Variants in PDE8B observed in about 807,000 individuals in gnomAD.
The protein encoded by PDE8B is high affinity cAMP-specific and IBMX-insensitive 3',5'-cyclic phosphodiesterase 8B.
Under a neutral mutation model 101.3 loss-of-function variants are expected in PDE8B, and 26 were observed. The ratio of observed to expected loss-of-function variants is 0.26; its 90% CI spans 0.19 to 0.36. The LOEUF (loss-of-function observed/expected upper bound fraction) is 0.36. Ranked by LOEUF, PDE8B falls within the 10% of genes least tolerant of loss-of-function variation. The pLI is 1.00. For synonymous variants in PDE8B, 424 were observed against 429.3 expected (o/e 0.99, Z 0.15); for missense variants, 810 against 1,163.1 (o/e 0.70, Z 4.42).
At chr5:77,111,438 A>G in the PDE8B span, among the ~76,000 whole-genome samples, 1 of 152,178 alleles carries the variant, frequency 6.6e-6, no homozygotes, top group Non-Finnish European at 1.5e-5. Flanking sequence ...CATATTCAAA[A>G]TGGAGGTGAG....
chr5:77,376,742 GTCCCCTCGC>G, intron 10 of PDE8B, among the ~76,000 whole-genome samples: 1 of 152,132 alleles, frequency 6.6e-6, no homozygotes, highest in South Asian at 2.1e-4. Context: ...TCCCTGTGCT[GTCCCCTCGC>G]CTCTGCACTA....
chr5:77,117,987 TGCA>T, the PDE8B span, among the ~76,000 whole-genome samples: 1 of 152,084 alleles, frequency 6.6e-6, no homozygotes, highest in Admixed American at 6.5e-5. Context: ...TAGGCTGGAG[TGCA>T]GTGGTGCAAT....
intron 10 of PDE8B, among the ~76,000 whole-genome samples, chr5:77,377,763 A>G (rs1050423861): frequency 6.6e-6 from 1 of 152,164 alleles, no homozygotes; most frequent in African/African-American, 2.4e-5. Context: ...AAGGGCTTGG[A>G]TAGAATAAAA....
the PDE8B span, among the ~76,000 whole-genome samples, chr5:77,190,983 A>G: frequency 1.2e-4 from 18 of 152,196 alleles, no homozygotes; most frequent in Non-Finnish European, 2.4e-4. Flanking sequence ...ACAGTTCAGA[A>G]GGTTAGAAGT....
At chr5:77,094,421 C>CA in the PDE8B span, among the ~76,000 whole-genome samples, 2 of 152,096 alleles carry the variant, frequency 1.3e-5, no homozygotes, top group East Asian at 3.9e-4. Flanking sequence ...GCAATCCTCC[C>CA]ACTTCAGCCT....
At chr5:77,296,620 G>A (rs1192370394) in intron 1 of PDE8B, among the ~76,000 whole-genome samples, 4 of 152,114 alleles carry the variant, frequency 2.6e-5, no homozygotes, top group African/African-American at 4.8e-5. Context: ...GGACTGGGGA[G>A]GCTATCTAAA....
chr5:77,393,277 C>T (rs895794468), intron 10 of PDE8B, among the ~76,000 whole-genome samples: 1 of 152,102 alleles, frequency 6.6e-6, no homozygotes, highest in Admixed American at 6.5e-5. Context: ...GCCTGTAATC[C>T]CAGCTACTCG....
chr5:77,172,127 G>A, the PDE8B span, among the ~76,000 whole-genome samples: 1 of 152,156 alleles, frequency 6.6e-6, no homozygotes, highest in African/African-American at 2.4e-5. Flanking sequence ...ATGGATAGAT[G>A]AATGCGTGGA....
chr5:77,121,915 C>T, the PDE8B span, among the ~76,000 whole-genome samples: 1 of 152,212 alleles, frequency 6.6e-6, no homozygotes, highest in African/African-American at 2.4e-5. Context: ...CTTTTGTGCT[C>T]TGCATTAAGT....
chr5:77,308,899 C>T (rs1037439377), intron 1 of PDE8B, among the ~76,000 whole-genome samples: 3 of 152,084 alleles, frequency 2.0e-5, no homozygotes, highest in African/African-American at 4.8e-5. Context: ...ATACAGGCAA[C>T]TGGGCACAAT....
chr5:77,426,343 C>G, intron 21 of PDE8B, 102 bp from the exon 22 acceptor site: 1 of 765,370 alleles, frequency 1.3e-6, no homozygotes, highest in Non-Finnish European at 2.3e-6. Flanking sequence ...GGTGTGCCTC[C>G]TCTAATTCTG....
intron 6 of PDE8B, among the ~76,000 whole-genome samples, chr5:77,342,788 G>C (rs1325432724): frequency 2.0e-5 from 3 of 152,208 alleles, no homozygotes; most frequent in African/African-American, 7.2e-5. Flanking sequence ...AGTCCCCACT[G>C]GAGAGCTGCA....
chr5:77,305,329 C>T (rs1770947748), intron 1 of PDE8B, among the ~76,000 whole-genome samples: 1 of 152,198 alleles, frequency 6.6e-6, no homozygotes, highest in Non-Finnish European at 1.5e-5. Flanking sequence ...AGCTCATGGG[C>T]TGCCCAGTGA....
At chr5:77,225,866 ACACACACACACACACCCCACG>A (rs1355132375) in intron 1 of PDE8B, among the ~76,000 whole-genome samples, 1 of 145,060 alleles carries the variant, frequency 6.9e-6, no homozygotes, top group African/African-American at 2.6e-5. Flanking sequence ...ACACACACAC[ACACACACACACACACCCCACG>A]CACACATCTC....
intron 20 of PDE8B, among the ~76,000 whole-genome samples, 186 bp downstream of exon 20, chr5:77,422,174 T>C (rs1220499771): frequency 6.6e-6 from 1 of 152,240 alleles, no homozygotes; most frequent in African/African-American, 2.4e-5. Flanking sequence ...CTGATGGGGC[T>C]GATCACTAAC....
At chr5:77,290,542 C>G (rs902310496) in intron 1 of PDE8B, 8 of 1,480,552 alleles carry the variant, frequency 5.4e-6, no homozygotes, top group East Asian at 2.3e-5. Context: ...ATTGACGATG[C>G]CTTGTGGGAG....
chr5:77,230,397 C>T (rs1459367833), intron 1 of PDE8B, among the ~76,000 whole-genome samples: 1 of 152,190 alleles, frequency 6.6e-6, no homozygotes, highest in African/African-American at 2.4e-5. Flanking sequence ...GCTAGAATCC[C>T]CTGTGGGGCC....
At chr5:77,279,905 C>A (rs1008927441) in intron 1 of PDE8B, among the ~76,000 whole-genome samples, 1 of 152,184 alleles carries the variant, frequency 6.6e-6, no homozygotes, top group African/African-American at 2.4e-5. Flanking sequence ...TTGTCTTATG[C>A]TGCACTTGAG....
intron 20 of PDE8B, among the ~76,000 whole-genome samples, chr5:77,424,994 AC>A (rs1797700565): frequency 6.6e-6 from 1 of 152,026 alleles, no homozygotes; most frequent in South Asian, 2.1e-4. Flanking sequence ...TTGGCCTGAA[AC>A]TTTTTTTAAG....
Sources: gnomAD v4.1 joint callset for allele counts (sites outside exome capture counted in the v4.1 genomes callset) on GRCh38, gnomAD v4.1.1 for gene constraint, MANE v1.5 for transcripts, NCBI Gene and HGNC (gene_info 2026-07-23, HGNC 2026-07-21) for gene names.